TMTC2: variants seen among roughly 807,000 people sequenced by gnomAD.
TMTC2 encodes the protein transmembrane O-mannosyltransferase targeting cadherins 2, also known as protein O-mannosyl-transferase TMTC2.
Under a neutral mutation model 82.4 loss-of-function variants are expected in TMTC2, and 43 were observed. The ratio of observed to expected loss-of-function variants is 0.52; its 90% CI spans 0.41 to 0.67. The LOEUF (loss-of-function observed/expected upper bound fraction) is 0.67. Ranked by LOEUF, TMTC2 falls within the 30% of genes least tolerant of loss-of-function variation. TMTC2 has a pLI of 0.00. For synonymous variants in TMTC2, 408 were observed against 381.9 expected (o/e 1.07, Z -0.80); for missense variants, 919 against 1,012.4 (o/e 0.91, Z 1.25).
chr12:82,723,464 G>T (rs889409352), intron 1 of TMTC2, among the ~76,000 whole-genome samples: 2 of 152,072 alleles, frequency 1.3e-5, no homozygotes, highest in Non-Finnish European at 1.5e-5. Flanking sequence ...GGATTTTTTT[G>T]GATTTTGGAA....
chr12:82,696,964 G>GTGTATATATATATATATATATATATA (rs374532592), intron 1 of TMTC2, among the ~76,000 whole-genome samples: 54 of 141,548 alleles, frequency 3.8e-4, no homozygotes, highest in East Asian at 1.1e-3. Flanking sequence ...ACATACATAC[G>GTGTATATATATATATATATATATATA]TATATATATA....
chr12:82,773,902 T>C (rs1201516703), intron 1 of TMTC2, among the ~76,000 whole-genome samples: 1 of 152,128 alleles, frequency 6.6e-6, no homozygotes, highest in Non-Finnish European at 1.5e-5. Flanking sequence ...TAGGGAAGAT[T>C]TTTCTGTGTT....
Position 82,732,026 on chromosome 12 carries a change from G to A in TMTC2, c.83+44357G>A, listed in dbSNP as rs370478462. ...ATGCTTAGACAAGGGTTGGGGTCAG[G>A]AGAGTGATGGGAATTTATTTGTTCT... On this transcript the variant is annotated intron_variant, in intron 1 of 11. Transcript: ENST00000321196. 2.0e-4 allele frequency among the ~76,000 whole-genome samples: 31 copies of A among 152,358 alleles called. 2 individuals are homozygous for A. Among genetic ancestry groups the A allele is most frequent in the African/African-American group, 7.5e-4 (31 of 41,582 alleles).
chr12:83,051,376 A>G (rs531631493), intron 10 of TMTC2, among the ~76,000 whole-genome samples: 25 of 151,864 alleles, frequency 1.6e-4, no homozygotes, highest in African/African-American at 2.7e-4. Flanking sequence ...TCTTCTTCCA[A>G]TGTGGCCCAG....
chr12:82,783,853 GT>G (rs2137012844), intron 1 of TMTC2, among the ~76,000 whole-genome samples: 1 of 152,096 alleles, frequency 6.6e-6, no homozygotes, highest in South Asian at 2.1e-4. Flanking sequence ...ACCTCAAATG[GT>G]TCTCTCCTAG....
In TMTC2 at chr12:83,012,824, C is replaced by A. The variant is rs561461528; in HGVS notation, c.2071-17974C>A. ...TACAGTATTCTTCTGACAGGTATAA[C>A]AGAATACAGATAATCCTCTGTTGTT... On this transcript the variant is annotated intron_variant, in intron 8 of 11. Transcript: ENST00000321196. Among the ~76,000 whole-genome samples, 5 of 152,228 alleles carry A rather than the reference C, an allele frequency of 3.3e-5. No homozygotes were observed. The South Asian group carries it at 1.0e-3, about 32-fold the overall frequency.
Position 83,059,531 on chromosome 12 carries a change from G to A in TMTC2, c.2268-2237G>A, listed in dbSNP as rs181147474. 2.8e-3 allele frequency among the ~76,000 whole-genome samples: 422 copies of A among 151,822 alleles called. 3 individuals are homozygous for A. The highest frequency in any genetic ancestry group is 9.8e-3 in the African/African-American group (406 of 41,470). ...GGTCCTAGAGGGAAAATTAATTTGT[G>A]TAGTTATATGACATATATAGTAAAT... On this transcript the variant is annotated intron_variant, in intron 10 of 11. Transcript: ENST00000321196.
chr12:82,796,637 A>G (rs944812408), intron 1 of TMTC2, among the ~76,000 whole-genome samples: 5 of 152,118 alleles, frequency 3.3e-5, no homozygotes, highest in Non-Finnish European at 5.9e-5. Flanking sequence ...CATATTTAAT[A>G]AAGTTGTTCT....
chr12:82,730,350 TA>T (rs1304049204), intron 1 of TMTC2, among the ~76,000 whole-genome samples: 1 of 147,924 alleles, frequency 6.8e-6, no homozygotes, highest in Non-Finnish European at 1.5e-5. Flanking sequence ...CTATCTTATA[TA>T]AAAAACAACC....
At chr12:83,082,056 C>G (rs1883490774) in intron 11 of TMTC2, among the ~76,000 whole-genome samples, 1 of 152,064 alleles carries the variant, frequency 6.6e-6, no homozygotes, top group Non-Finnish European at 1.5e-5. Context: ...CTGGGTAATT[C>G]AGAATTTATA....
intron 1 of TMTC2, among the ~76,000 whole-genome samples, chr12:82,831,891 G>A (rs949506856): frequency 2.0e-5 from 3 of 152,242 alleles, no homozygotes; most frequent in South Asian, 4.1e-4. Context: ...CTTCAGGATC[G>A]TACGAAGAAC....
intron 1 of TMTC2, among the ~76,000 whole-genome samples, chr12:82,856,617 T>C (rs535679386): frequency 1.2e-3 from 185 of 152,316 alleles, no homozygotes; most frequent in Middle Eastern, 6.8e-3. Context: ...GGCTAGTCCT[T>C]GCATCACCTG....
At chr12:82,866,304 G>C (rs1871860207) in intron 2 of TMTC2, among the ~76,000 whole-genome samples, 1 of 149,450 alleles carries the variant, frequency 6.7e-6, no homozygotes, top group African/African-American at 2.5e-5. Flanking sequence ...TCCCAACCTT[G>C]ATGAACAATG....
intron 11 of TMTC2, among the ~76,000 whole-genome samples, chr12:83,110,048 T>A (rs1884547551): frequency 1.3e-5 from 2 of 152,192 alleles, no homozygotes; most frequent in Admixed American, 1.3e-4. Context: ...TATCTTCACC[T>A]GTCATTATAC....
In TMTC2 at chr12:82,836,185, A is replaced by G. The variant is rs117635833; in HGVS notation, c.84-20825A>G. Among the ~76,000 whole-genome samples, 1,222 of 152,308 alleles carry G rather than the reference A, an allele frequency of 8.0e-3. 11 individuals are homozygous for G. The highest frequency in any genetic ancestry group is 0.028 in the South Asian group (134 of 4,828). ...ATATGTTAGTCAGGAAATGATTTTG[A>G]TAACCCTTTTAATGGGCTTGGTTAA... On this transcript the variant is annotated intron_variant, in intron 1 of 11. Transcript: ENST00000321196.
At chr12:82,726,796 G>A (rs866401693) in intron 1 of TMTC2, among the ~76,000 whole-genome samples, 4 of 150,430 alleles carry the variant, frequency 2.7e-5, no homozygotes, top group Non-Finnish European at 4.4e-5. Flanking sequence ...GGAGAATGGC[G>A]TGAACCCAGG....
At chr12:82,884,590 A>C (rs190931762) in intron 2 of TMTC2, among the ~76,000 whole-genome samples, 1 of 152,290 alleles carries the variant, frequency 6.6e-6, no homozygotes, top group Admixed American at 6.5e-5. Flanking sequence ...AAGAGCTTTT[A>C]TTCTACTGTA....
At chr12:82,869,567 T>C (rs1872058465) in intron 2 of TMTC2, among the ~76,000 whole-genome samples, 1 of 152,112 alleles carries the variant, frequency 6.6e-6, no homozygotes, top group Non-Finnish European at 1.5e-5. Flanking sequence ...AGGCCGGGCA[T>C]GGTGACTCAC....
At chr12:83,079,259 C>A (rs1411405396) in intron 11 of TMTC2, among the ~76,000 whole-genome samples, 3 of 151,960 alleles carry the variant, frequency 2.0e-5, no homozygotes, top group Admixed American at 6.6e-5. Context: ...ATGGAACCTA[C>A]ACTCATACTG....
Sources: gnomAD v4.1 joint callset for allele counts (sites outside exome capture counted in the v4.1 genomes callset) on GRCh38, gnomAD v4.1.1 for gene constraint, MANE v1.5 for transcripts, NCBI Gene and HGNC (gene_info 2026-07-23, HGNC 2026-07-21) for gene names.